PRKCH: variants seen among roughly 807,000 people sequenced by gnomAD.
PRKCH encodes protein kinase C eta type.
Under a neutral mutation model 82.5 loss-of-function variants are expected in PRKCH, and 28 were observed. That is an observed-to-expected ratio of 0.34 (90% CI 0.25 to 0.47). The LOEUF is 0.47. PRKCH is among the 20% of genes least tolerant of loss of function. PRKCH has a pLI of 1.00. For missense variants in PRKCH, 705 were observed against 881.8 expected, an observed-to-expected ratio of 0.80 and a Z score of 2.54; for synonymous variants, 322 against 327.4, an observed-to-expected ratio of 0.98 and a Z score of 0.18.
At chr14:61,523,008 A>G (rs1361765383) in intron 10 of PRKCH, among the ~76,000 whole-genome samples, 2 of 152,248 alleles carry the variant, frequency 1.3e-5, no homozygotes, top group Non-Finnish European at 2.9e-5. Context: ...AACTTTAAGT[A>G]TAAACCCAGG....
At chr14:61,395,291 C>CT (rs1555383077) in intron 2 of PRKCH, among the ~76,000 whole-genome samples, 1 of 3,518 alleles carries the variant, frequency 2.8e-4, no homozygotes, top group Non-Finnish European at 4.4e-3. Context: ...GGAAATGGAG[C>CT]CCCCCCCCGC....
chr14:61,212,410 C>G (rs1287332418), intron 1 of PRKCH, among the ~76,000 whole-genome samples: 2 of 152,162 alleles, frequency 1.3e-5, no homozygotes, highest in Non-Finnish European at 2.9e-5. Flanking sequence ...GAAAATGGAA[C>G]AGAAAATAGA....
intron 2 of PRKCH, among the ~76,000 whole-genome samples, chr14:61,392,837 T>A (rs2046705634): frequency 7.2e-6 from 1 of 138,924 alleles, no homozygotes; most frequent in African/African-American, 3.2e-5. Context: ...CTCCTGTTTC[T>A]TTTTTTGTTT....
At chr14:61,203,190 T>G (rs967934570) in intron 1 of PRKCH, among the ~76,000 whole-genome samples, 1 of 152,108 alleles carries the variant, frequency 6.6e-6, no homozygotes, top group African/African-American at 2.4e-5. Flanking sequence ...GCACCTCATA[T>G]CCTGCCACTA....
At chr14:61,355,061 G>C (rs1017069895) in intron 1 of PRKCH, among the ~76,000 whole-genome samples, 1 of 152,218 alleles carries the variant, frequency 6.6e-6, no homozygotes, top group Non-Finnish European at 1.5e-5. Context: ...TTTCGATGAT[G>C]TGTAAGTGCT....
intron 2 of PRKCH, among the ~76,000 whole-genome samples, chr14:61,401,800 T>C (rs28449588): frequency 0.06 from 9,184 of 152,348 alleles, 513 homozygotes; most frequent in African/African-American, 0.14. Context: ...TGAAATACTG[T>C]TGTGTCTCAA....
At chr14:61,305,605 C>T (rs1210213903) in intron 1 of PRKCH, 1 of 151,918 alleles carries the variant, frequency 6.6e-6, no homozygotes, top group African/African-American at 2.4e-5. Context: ...ATAATTCACC[C>T]ATCCTTTTGC....
intron 2 of PRKCH, among the ~76,000 whole-genome samples, chr14:61,435,574 T>C (rs1883636152): frequency 6.6e-6 from 1 of 152,118 alleles, no homozygotes; most frequent in Admixed American, 6.6e-5. Context: ...GGCACAGTGG[T>C]ATGCACCTGT....
At chr14:61,441,777 A>G (rs1457413896) in intron 2 of PRKCH, among the ~76,000 whole-genome samples, 1 of 149,880 alleles carries the variant, frequency 6.7e-6, no homozygotes, top group Admixed American at 6.6e-5. Context: ...TTAAATTGCA[A>G]ATCTGTGAAC....
rs139432998 is a variant in PRKCH, at chr14:61,393,111, C to A, written c.427+1823C>A. On this transcript the variant is annotated intron_variant, in intron 2 of 13. Coordinates refer to ENST00000332981, the MANE Select transcript of PRKCH (RefSeq NM_006255.5). ...CTGTTGATCTGTTTGTCCATCTGAT[C>A]TCTCTTTCTTTTCTCTACATTATGC... Among the ~76,000 whole-genome samples, 310 of 152,232 alleles carry A rather than the reference C, an allele frequency of 2.0e-3. 1 individual carries two copies. The highest frequency in any genetic ancestry group is 6.8e-3 in the Middle Eastern group (2 of 294).
chr14:61,369,217 G>A (rs1018935969), intron 1 of PRKCH, among the ~76,000 whole-genome samples: 4 of 152,140 alleles, frequency 2.6e-5, no homozygotes, highest in African/African-American at 9.7e-5. Flanking sequence ...TCACCGGGAG[G>A]GTTTGTTAAA....
intron 1 of PRKCH, among the ~76,000 whole-genome samples, chr14:61,201,321 A>AGAG (rs1474795038): frequency 2.0e-5 from 3 of 152,190 alleles, no homozygotes; most frequent in African/African-American, 7.2e-5. Flanking sequence ...TGAGGCATAG[A>AGAG]GAGATTGAGT....
chr14:61,489,715 G>A (rs768040863), intron 10 of PRKCH, among the ~76,000 whole-genome samples: 1 of 152,202 alleles, frequency 6.6e-6, no homozygotes, highest in African/African-American at 2.4e-5. Flanking sequence ...CTTCTTGGCC[G>A]ATTGGAAGGC....
intron 1 of PRKCH, among the ~76,000 whole-genome samples, chr14:61,267,671 T>C (rs569409900): frequency 6.6e-6 from 1 of 152,340 alleles, no homozygotes; most frequent in Admixed American, 6.5e-5. Context: ...AATGGATTGA[T>C]AGTGCAGGCA....
Position 61,441,672 on chromosome 14 carries a change from A to G in PRKCH, c.428-1439A>G, listed in dbSNP as rs1045027638. ...GTATTATAAATAGTAACCCTTTGTC[A>G]TGTGTTACAAGTCCTCTTCTCCCTC... On this transcript the variant is annotated intron_variant, in intron 2 of 13. Transcript: ENST00000332981. 2.0e-5 allele frequency among the ~76,000 whole-genome samples: 3 copies of G among 148,944 alleles called. No individual in the cohort carries two copies. In the East Asian group the frequency reaches 5.8e-4, roughly 29 times the overall value.
upstream of PRKCH, among the ~76,000 whole-genome samples, chr14:61,321,110 G>A (rs982428373): frequency 6.6e-6 from 1 of 152,188 alleles, no homozygotes; most frequent in Non-Finnish European, 1.5e-5. This position sits in a 1 kb window ranked among gnomAD's most constrained non-coding sequence, Gnocchi z 4.1. Context: ...GGATGCGTTC[G>A]AGCTGACCCC....
intron 10 of PRKCH, among the ~76,000 whole-genome samples, chr14:61,506,234 A>G (rs1887142592): frequency 6.6e-6 from 1 of 152,150 alleles, no homozygotes; most frequent in East Asian, 1.9e-4. Context: ...GCTCAGTGCA[A>G]TCTACTGGAA....
chr14:61,392,487 A>C (rs2046699153), intron 2 of PRKCH, among the ~76,000 whole-genome samples: 1 of 152,132 alleles, frequency 6.6e-6, no homozygotes, highest in African/African-American at 2.4e-5. Context: ...GTAAATTTGC[A>C]TTTCCCTGAT....
At chr14:61,255,710 T>C (rs1298478261) in intron 1 of PRKCH, among the ~76,000 whole-genome samples, 3 of 152,184 alleles carry the variant, frequency 2.0e-5, no homozygotes, top group South Asian at 2.1e-4. Context: ...AATATATAAA[T>C]ACTGGCTGGT....
Sources: gnomAD v4.1 joint callset for allele counts (sites outside exome capture counted in the v4.1 genomes callset) on GRCh38, gnomAD v4.1.1 for gene constraint, Gnocchi (gnomAD v3.1) non-coding constraint, MANE v1.5 for transcripts, NCBI Gene and HGNC (gene_info 2026-07-23, HGNC 2026-07-21) for gene names.